The following COP1 variants were observed in gnomAD, a reference collection of about 807,000 sequenced individuals.
COP1 encodes the protein COP1 E3 ubiquitin ligase, also known as E3 ubiquitin-protein ligase COP1.
Under a neutral mutation model 101.3 loss-of-function variants are expected in COP1, and 24 were observed. The observed-to-expected ratio is 0.24, with a 90% CI of 0.17 to 0.33. The LOEUF is 0.33. Ranked by LOEUF, COP1 falls within the 10% of genes least tolerant of loss-of-function variation. COP1 has a pLI of 1.00. For missense variants in COP1, 663 were observed against 906.2 expected (o/e 0.73, Z 3.45); for synonymous variants, 347 against 341.9 (o/e 1.01, Z -0.17).
Position 175,983,784 on chromosome 1 carries a change from T to A in COP1, c.2133+3159A>T, listed in dbSNP as rs151279723. Among the ~76,000 whole-genome samples the A allele has an allele frequency of 2.8e-3, 427 of 152,306 alleles. 2 individuals carry two copies. The highest frequency in any genetic ancestry group is 9.9e-3 in the African/African-American group (413 of 41,560). On this transcript the variant is annotated intron_variant, in intron 18 of 19. Transcript: ENST00000367669. The stretch of plus-strand genomic sequence containing the variant: ...GTGGTCTCAGATGGAGATGAGGAAC[T>A]TGCTGGGAAATAGAGCAAAGAAGAC...
chr1:176,094,039 A>T (rs1681870072), intron 9 of COP1, among the ~76,000 whole-genome samples: 1 of 152,060 alleles, frequency 6.6e-6, no homozygotes, highest in Non-Finnish European at 1.5e-5. Context: ...AAAGGAAAAA[A>T]AAAAAAGTGA....
Position 176,163,848 on chromosome 1 carries a change from C to G in COP1, c.609G>C (p.Lys203Asn). 6.2e-7 allele frequency: 1 copy of G among 1,609,126 alleles called. No homozygotes were observed. The highest frequency in any genetic ancestry group is 8.5e-7 in the Non-Finnish European group (1 of 1,176,934). ...TCACTGAGTGGTCCAATTTGAACCT[C>G]TTTTCCTCAAATCTTTGCTTCTGTT... Reference protein sequence around the residue: ...ILKQKQRFEEKRFKLDHSVSS... With the variant: ...ILKQKQRFEENRFKLDHSVSS... Residue 203 changes from lysine to asparagine, a missense_variant, in exon 4 of 20, where the codon AAG becomes AAC. Transcript: ENST00000367669.
intron 8 of COP1, among the ~76,000 whole-genome samples, chr1:176,126,912 ATAATTT>A (rs1383166273): frequency 1.3e-5 from 2 of 152,204 alleles, no homozygotes; most frequent in African/African-American, 4.8e-5. Flanking sequence ...GAACAGTTTT[ATAATTT>A]TAAATTATTG....
intron 18 of COP1, among the ~76,000 whole-genome samples, chr1:175,974,611 C>T (rs145728926): frequency 1.3e-5 from 2 of 151,786 alleles, no homozygotes; most frequent in African/African-American, 4.8e-5. Flanking sequence ...CGTTTAAGAT[C>T]GAATAGGTAA....
At chr1:176,044,428 C>T (rs1406560275) in intron 12 of COP1, among the ~76,000 whole-genome samples, 2 of 152,112 alleles carry the variant, frequency 1.3e-5, no homozygotes, top group Non-Finnish European at 2.9e-5. Context: ...CTGCATCACG[C>T]ATATAGTAAA....
At chr1:175,991,665 T>C (rs151152536) in intron 15 of COP1, among the ~76,000 whole-genome samples, 1 of 152,328 alleles carries the variant, frequency 6.6e-6, no homozygotes, top group African/African-American at 2.4e-5. Context: ...ATTGTACAGC[T>C]GGACAAAAGT....
intron 15 of COP1, among the ~76,000 whole-genome samples, chr1:176,019,505 T>TAATAATAATAATAAC (rs1374161037): frequency 1.0e-3 from 137 of 133,160 alleles, no homozygotes; most frequent in African/African-American, 2.7e-3. Context: ...ATAATAATAA[T>TAATAATAATAATAAC]AACCATCATC....
chr1:176,023,980 G>A (rs1035987458), intron 15 of COP1, among the ~76,000 whole-genome samples: 3 of 151,914 alleles, frequency 2.0e-5, no homozygotes, highest in Non-Finnish European at 2.9e-5. Context: ...ACTACAGGCC[G>A]GGCATGGTAG....
chr1:175,971,999 C>A (rs1653334584), intron 18 of COP1, among the ~76,000 whole-genome samples: 1 of 152,154 alleles, frequency 6.6e-6, no homozygotes, highest in Non-Finnish European at 1.5e-5. Context: ...AACACTTTGG[C>A]ACTTCTAAAT....
chr1:176,076,395 G>A (rs1678016350), intron 11 of COP1, among the ~76,000 whole-genome samples: 1 of 152,114 alleles, frequency 6.6e-6, no homozygotes, highest in African/African-American at 2.4e-5. Context: ...AAGAAATTAA[G>A]GCAGGAATAA....
At chr1:175,968,601 T>C in intron 18 of COP1, 2 of 439,666 alleles carry the variant, frequency 4.5e-6, no homozygotes, top group East Asian at 5.9e-5. Context: ...TCCAATTAAC[T>C]AACTGCATCA....
At chr1:176,119,963 G>C (rs1246655963) in intron 8 of COP1, among the ~76,000 whole-genome samples, 1 of 152,042 alleles carries the variant, frequency 6.6e-6, no homozygotes, top group Non-Finnish European at 1.5e-5. Flanking sequence ...TCAAACCCAA[G>C]CAGTCAAGTC....
Position 176,081,078 on chromosome 1 carries a change from T to C in COP1, c.1277+74A>G, listed in dbSNP as rs1235247811. The C allele has an allele frequency of 2.3e-6, 3 of 1,287,982 alleles. No homozygotes were observed. The East Asian group carries it at 7.2e-5, about 31-fold the overall frequency. 79.8% of individuals were successfully genotyped at this position (1,287,982 alleles called of 1,614,324 possible). ...GAACCCACGCTTTTAATAATAATGG[T>C]ATAAGTGCTTCTCAAATTCAATTAG... On this transcript the variant is annotated intron_variant, in intron 11 of 19. Transcript: ENST00000367669.
At chr1:175,976,267 ATT>A (rs1654533758) in intron 18 of COP1, among the ~76,000 whole-genome samples, 1 of 41,764 alleles carries the variant, frequency 2.4e-5, no homozygotes, top group African/African-American at 5.7e-5. Flanking sequence ...TCAATTAGTC[ATT>A]CTTTTTTTTT....
chr1:176,099,731 A>C (rs1683059510), intron 9 of COP1, among the ~76,000 whole-genome samples: 2 of 152,200 alleles, frequency 1.3e-5, no homozygotes, highest in African/African-American at 4.8e-5. Flanking sequence ...TTGCAGAGCC[A>C]ATAAAAGCCC....
chr1:176,171,471 A>AT lies in COP1; in HGVS notation c.565+4438dup, dbSNP rs528980605. ...ATATCCAGACTACTAAACTTTCTCCATATCAGCAATAAGCGATTTTGCCTT... is the reference window on the plus strand; with the variant it reads ...ATATCCAGACTACTAAACTTTCTCCATTATCAGCAATAAGCGATTTTGCCTT... On this transcript the variant is annotated intron_variant, in intron 3 of 19. Transcript: ENST00000367669. Among the ~76,000 whole-genome samples, 34 of 152,328 alleles carry AT rather than the reference A, an allele frequency of 2.2e-4. 1 individual carries two copies. In the South Asian group the frequency reaches 6.8e-3, roughly 31 times the overall value.
rs530725593 is a variant in COP1, at chr1:176,069,163, C to T, written c.1277+11989G>A. Among the ~76,000 whole-genome samples, 4 of 150,790 alleles carry T rather than the reference C, an allele frequency of 2.7e-5. No homozygotes were observed. In the East Asian group the frequency reaches 7.8e-4, roughly 29 times the overall value. ...TTGCACGACTGCACTCCAGCCTGAGCAACAGGGTGAGACCTCATCTCAAGA... is the reference window on the plus strand; with the variant it reads ...TTGCACGACTGCACTCCAGCCTGAGTAACAGGGTGAGACCTCATCTCAAGA... On this transcript the variant is annotated intron_variant, in intron 11 of 19. Transcript: ENST00000367669.
At chr1:176,019,299 C>G (rs2149007733) in intron 15 of COP1, among the ~76,000 whole-genome samples, 1 of 151,510 alleles carries the variant, frequency 6.6e-6, no homozygotes, top group African/African-American at 2.4e-5. Flanking sequence ...CCCGTCTCTA[C>G]TAAAAATACA....
intron 15 of COP1, among the ~76,000 whole-genome samples, chr1:176,002,112 T>G (rs1316229638): frequency 1.3e-5 from 2 of 152,088 alleles, no homozygotes; most frequent in Non-Finnish European, 2.9e-5. Flanking sequence ...TTTTTGGATG[T>G]GTGGATTGAT....
Sources: gnomAD v4.1 joint callset for allele counts (sites outside exome capture counted in the v4.1 genomes callset) on GRCh38, gnomAD v4.1.1 for gene constraint, MANE v1.5 for transcripts, NCBI Gene and HGNC (gene_info 2026-07-23, HGNC 2026-07-21) for gene names.